The following PARP1 variants were observed in gnomAD, a reference collection of about 807,000 sequenced individuals.
The protein encoded by PARP1 is poly [ADP-ribose] polymerase 1.
A neutral mutation model predicts 118.7 loss-of-function variants in PARP1; 44 were observed. The observed-to-expected ratio is 0.37, with a 90% confidence interval of 0.29 to 0.48. The LOEUF is 0.48. PARP1 is among the 20% of genes least tolerant of loss of function. The pLI is 0.99. For synonymous variants in PARP1, 492 were observed against 483.2 expected (o/e 1.02, Z -0.24); for missense variants, 1,100 against 1,272.4 (o/e 0.86, Z 2.06).
intron 1 of PARP1, 44 bp downstream of exon 1, chr1:226,407,766 G>C (rs768700014): frequency 1.5e-6 from 2 of 1,327,546 alleles, no homozygotes; most frequent in South Asian, 1.2e-5. Flanking sequence ...CAGTTAACCC[G>C]GGGCGCCGCG....
At chr1:226,380,948 G>A (rs527683287) in intron 9 of PARP1, 120 bp downstream of exon 9, 205 of 1,107,182 alleles carry the variant, frequency 1.9e-4, no homozygotes, top group Admixed American at 7.0e-4. Context: ...GAACCACAGC[G>A]ATGATGATGT....
rs1306114280 is a variant in PARP1, at chr1:226,364,995, C to A, written c.2658+7G>T. 1 of 1,613,568 alleles carries A rather than the reference C, an allele frequency of 6.2e-7. No homozygotes were observed. Among genetic ancestry groups the A allele is most frequent in the Non-Finnish European group, 8.5e-7 (1 of 1,180,038 alleles). Reference sequence around the variant, plus strand: ...ATTGCCCACCCCTCGCCAGGCCAGGCACATACCACGGGCGCTTCAGGCGGG... The same window carrying A: ...ATTGCCCACCCCTCGCCAGGCCAGGAACATACCACGGGCGCTTCAGGCGGG... On this transcript the variant is annotated splice_region_variant and intron_variant, in intron 19 of 22. Transcript: ENST00000366794.
intron 15 of PARP1, among the ~76,000 whole-genome samples, chr1:226,368,637 TG>T (rs1316239983): frequency 6.6e-6 from 1 of 152,212 alleles, no homozygotes; most frequent in East Asian, 1.9e-4. Flanking sequence ...AAAATCTAGG[TG>T]GTGGGCTAAT....
chr1:226,403,791 TC>T (rs1558244365), intron 1 of PARP1, among the ~76,000 whole-genome samples: 1 of 152,204 alleles, frequency 6.6e-6, no homozygotes, highest in African/African-American at 2.4e-5. Flanking sequence ...GTCCCAAACA[TC>T]TGCTTTTATA....
At chr1:226,379,744 A>C in intron 10 of PARP1, 103 bp from the exon 11 acceptor site, 2 of 1,319,694 alleles carry the variant, frequency 1.5e-6, no homozygotes, top group South Asian at 2.4e-5. Flanking sequence ...TCATCTGTCA[A>C]CTCGGCATCT....
chr1:226,385,726 A>C, intron 6 of PARP1, 46 bp from the exon 7 acceptor site: 1 of 1,523,280 alleles, frequency 6.6e-7, no homozygotes, highest in East Asian at 2.3e-5. Context: ...GCGGGACTAC[A>C]AAAAAGGACA....
rs1276677693 is a variant in PARP1, at chr1:226,379,985, C to T, written c.1480G>A (p.Ala494Thr). The change falls in exon 10 of 23, where the codon GCC becomes ACC. Residue 494 changes from alanine (A) to threonine (T), a missense_variant. This residue lies in a region of PARP1 where 948 missense variants were observed against 1,031.8 expected (regional missense o/e 0.92). Coordinates refer to ENST00000366794, the MANE Select transcript of PARP1 (RefSeq NM_001618.4). ...EVKAEPVEVV[A>T]PRGKSGAALS... The stretch of plus-strand genomic sequence containing the variant: ...GCAGCCCCTGACTTCCCTCTTGGGG[C>T]CACAACTTCAACAGGCTCTGCCTTC... 1 of 1,614,180 alleles carries T rather than the reference C, an allele frequency of 6.2e-7. No individual in the cohort carries two copies. The highest frequency in any genetic ancestry group is 1.1e-5 in the South Asian group (1 of 91,080).
intron 1 of PARP1, among the ~76,000 whole-genome samples, chr1:226,403,078 C>T (rs1046711875): frequency 6.6e-5 from 10 of 152,194 alleles, no homozygotes; most frequent in African/African-American, 1.4e-4. Flanking sequence ...GTTTCCCAGG[C>T]GTAGGACCTG....
At chr1:226,396,755 T>C (rs947146380) in intron 2 of PARP1, among the ~76,000 whole-genome samples, 1 of 152,028 alleles carries the variant, frequency 6.6e-6, no homozygotes, top group Non-Finnish European at 1.5e-5. Flanking sequence ...CTGGCCAATA[T>C]GGCAAAACTC....
chr1:226,405,470 T>TA (rs1293780231), intron 1 of PARP1, among the ~76,000 whole-genome samples: 2 of 152,114 alleles, frequency 1.3e-5, no homozygotes, highest in African/African-American at 4.8e-5. Context: ...CACGACCCGC[T>TA]AATCATTGCA....
Position 226,385,683 on chromosome 1 carries a change from G to A in PARP1, c.835-3C>T, listed in dbSNP as rs1421658091. The A allele has an allele frequency of 6.2e-7, 1 of 1,613,944 alleles. No individual in the cohort carries two copies. ...CCATCAGCTACTCGGTCCAAGATCT[G>A]CAGCCAGTGGAGAAACATGTCAGAG... On this transcript the variant is annotated splice_polypyrimidine_tract_variant and splice_region_variant and intron_variant, in intron 6 of 22. Coordinates refer to ENST00000366794, the MANE Select transcript of PARP1 (RefSeq NM_001618.4).
chr1:226,384,374 T>G (rs1479925783), intron 7 of PARP1, among the ~76,000 whole-genome samples: 1 of 152,250 alleles, frequency 6.6e-6, no homozygotes, highest in Non-Finnish European at 1.5e-5. Context: ...TGGCCTTGAT[T>G]CTGTGGGACA....
intron 8 of PARP1, among the ~76,000 whole-genome samples, chr1:226,381,889 G>A (rs1013477077): frequency 1.3e-5 from 2 of 152,196 alleles, no homozygotes; most frequent in Non-Finnish European, 2.9e-5. Context: ...AGGAAACACT[G>A]ACAGTTTAAC....
chr1:226,380,238 A>G, intron 9 of PARP1, 74 bp from the exon 10 acceptor site: 2 of 1,427,680 alleles, frequency 1.4e-6, no homozygotes, highest in South Asian at 1.2e-5. Context: ...TACTACAGTT[A>G]TATTTAGTGT....
intron 21 of PARP1, 63 bp downstream of exon 21, chr1:226,363,036 C>T: frequency 1.8e-6 from 2 of 1,140,306 alleles, no homozygotes; most frequent in East Asian, 2.3e-5. Flanking sequence ...GGACAGCAAG[C>T]CCCCGGCTTC....
At chr1:226,364,367 G>A (rs3219142) in intron 19 of PARP1, 60,402 of 386,900 alleles carry the variant, frequency 0.16, 5,762 homozygotes, top group Non-Finnish European at 0.2. Flanking sequence ...AGGACGGAAT[G>A]AGCTCATCAG....
At chr1:226,375,925 A>C (rs760951654) in intron 13 of PARP1, among the ~76,000 whole-genome samples, 1 of 152,126 alleles carries the variant, frequency 6.6e-6, no homozygotes, top group Non-Finnish European at 1.5e-5. Flanking sequence ...AAAGATATCT[A>C]CCATTACTTT....
intron 7 of PARP1, among the ~76,000 whole-genome samples, chr1:226,383,522 C>A (rs1207387242): frequency 6.6e-6 from 1 of 152,236 alleles, no homozygotes; most frequent in Non-Finnish European, 1.5e-5. Context: ...ACCTCCCTGG[C>A]CTCATTCCTG....
At chr1:226,377,646 T>C (rs538121766) in intron 12 of PARP1, among the ~76,000 whole-genome samples, 6 of 152,168 alleles carry the variant, frequency 3.9e-5, no homozygotes, top group Non-Finnish European at 7.3e-5. Flanking sequence ...CTGGAAGTCA[T>C]GTGTTCAAGG....
Sources: allele counts gnomAD v4.1 joint callset (sites outside exome capture counted in the v4.1 genomes callset), GRCh38; gene constraint gnomAD v4.1.1; regional missense constraint gnomAD v4.1.1; transcripts MANE v1.5; gene names NCBI Gene and HGNC (gene_info 2026-07-23, HGNC 2026-07-21).